Variants in TBXAS1 observed in about 807,000 individuals in gnomAD.
The protein encoded by TBXAS1 is thromboxane A synthase 1.
Under a neutral mutation model 60.7 loss-of-function variants are expected in TBXAS1, and 48 were observed. The ratio of observed to expected loss-of-function variants is 0.79; its 90% CI spans 0.63 to 1.01. The LOEUF is 1.01. TBXAS1 is among the 50% of genes least tolerant of loss of function. The probability of loss-of-function intolerance (pLI) is 0.00; values close to 1 mark genes in which losing one functional copy is unlikely to be tolerated. For missense variants in TBXAS1, 685 were observed against 686.3 expected (o/e 1.00, Z 0.02); for synonymous variants, 287 against 269.7 (o/e 1.06, Z -0.63).
At chr7:140,005,518 T>C (rs1366329046) in intron 9 of TBXAS1, among the ~76,000 whole-genome samples, 1 of 152,192 alleles carries the variant, frequency 6.6e-6, no homozygotes, top group South Asian at 2.1e-4. Flanking sequence ...GCCCTTTTCA[T>C]TGGTCACTTG....
intron 1 of TBXAS1, among the ~76,000 whole-genome samples, chr7:139,847,835 G>A (rs1291858698): frequency 6.6e-6 from 1 of 152,082 alleles, no homozygotes; most frequent in African/African-American, 2.4e-5. Flanking sequence ...TTGTTTGTTT[G>A]TTTTGAAATA....
At chr7:139,823,166 G>A (rs1209579802) in intron 4 of TBXAS1, among the ~76,000 whole-genome samples, 3 of 151,716 alleles carry the variant, frequency 2.0e-5, no homozygotes, top group Admixed American at 6.6e-5. Flanking sequence ...ACCTTTTGCC[G>A]ATCTCCTGTC....
At chr7:139,886,783 C>A (rs1296532154) in intron 3 of TBXAS1, among the ~76,000 whole-genome samples, 1 of 152,138 alleles carries the variant, frequency 6.6e-6, no homozygotes, top group Non-Finnish European at 1.5e-5. Flanking sequence ...CATCTCACTG[C>A]CAGACCACAG....
intron 4 of TBXAS1, among the ~76,000 whole-genome samples, chr7:139,816,494 G>T (rs1220241202): frequency 1.3e-5 from 2 of 151,666 alleles, no homozygotes; most frequent in African/African-American, 4.8e-5. Flanking sequence ...GTCTGGGTAG[G>T]GTGTGGGCTT....
chr7:139,785,931 C>T (rs1385787030), intron 3 of TBXAS1, among the ~76,000 whole-genome samples: 1 of 151,716 alleles, frequency 6.6e-6, no homozygotes, highest in Admixed American at 6.6e-5. Flanking sequence ...CTATTTCCTT[C>T]ATGAAGCCTT....
intron 1 of TBXAS1, among the ~76,000 whole-genome samples, chr7:139,856,010 C>T (rs1202525059): frequency 6.6e-6 from 1 of 152,172 alleles, no homozygotes; most frequent in African/African-American, 2.4e-5. Context: ...AAGCAGAGAG[C>T]CTTTGTTGTG....
chr7:139,815,206 G>A (rs1798115206), intron 4 of TBXAS1, among the ~76,000 whole-genome samples: 1 of 152,198 alleles, frequency 6.6e-6, no homozygotes, highest in African/African-American at 2.4e-5. Context: ...CATGGCCTTA[G>A]GAGAAGCACA....
rs548646771 is a variant in TBXAS1 at position 139,778,848 on chromosome 7, T to C, written c.-318+377T>C. 2.0e-5 allele frequency among the ~76,000 whole-genome samples: 3 copies of C among 152,286 alleles called. No homozygotes were observed. In the South Asian group the frequency reaches 6.2e-4, roughly 32 times the overall value. The stretch of plus-strand genomic sequence containing the variant: ...GCTTCTCCAGCTGCCTCCCGGATGC[T>C]TGGATAGGATGCCCTGCCATCCCCT... On this transcript the variant is annotated intron_variant, in intron 1 of 16. Coordinates refer to the TBXAS1 transcript ENST00000336425. This position sits in a 1 kb window ranked among gnomAD's most constrained non-coding sequence, Gnocchi z 4.8.
intron 1 of TBXAS1, chr7:139,780,607 C>G (rs1023507269): frequency 1.3e-5 from 2 of 154,398 alleles, no homozygotes; most frequent in Non-Finnish European, 2.9e-5. Flanking sequence ...ATCACAGCCT[C>G]TGAGGCTGGG....
At chr7:139,816,337 C>T (rs1258045053) in intron 4 of TBXAS1, among the ~76,000 whole-genome samples, 8 of 152,146 alleles carry the variant, frequency 5.3e-5, no homozygotes, top group Non-Finnish European at 1.0e-4. Flanking sequence ...GACAGAGGAG[C>T]GTGCTTGAGA....
chr7:139,966,698 A>G (rs753527903), intron 9 of TBXAS1, among the ~76,000 whole-genome samples: 10 of 152,154 alleles, frequency 6.6e-5, no homozygotes, highest in South Asian at 2.1e-4. Flanking sequence ...ACAGATCTCA[A>G]TGATTTCTGG....
At position 140,013,900 on chromosome 7, in the gene TBXAS1, A is replaced by G. The variant is rs1467202675; in HGVS notation, c.1227-1823A>G. Among the ~76,000 whole-genome samples, 2 of 152,122 alleles carry G rather than the reference A, an allele frequency of 1.3e-5. No homozygotes were observed. The highest frequency in any genetic ancestry group is 2.9e-5 in the Non-Finnish European group (2 of 68,030). On this transcript the variant is annotated intron_variant, in intron 10 of 12. Coordinates refer to ENST00000448866, the MANE Select transcript of TBXAS1 (RefSeq NM_001061.7). This position sits in a 1 kb window ranked among gnomAD's most constrained non-coding sequence, Gnocchi z 4.2. The stretch of plus-strand genomic sequence containing the variant: ...TCACTGCCCATCTTCCTGGCTTCTG[A>G]TCTGCTGCCGTCCCCGATTCATGGC...
chr7:140,002,063 G>A (rs923139243), intron 9 of TBXAS1, among the ~76,000 whole-genome samples: 3 of 152,144 alleles, frequency 2.0e-5, no homozygotes, highest in Non-Finnish European at 2.9e-5. Flanking sequence ...TACGTCTCCC[G>A]GGCCTAGCAC....
At chr7:139,885,776 T>C (rs1361652437) in intron 3 of TBXAS1, among the ~76,000 whole-genome samples, 2 of 152,232 alleles carry the variant, frequency 1.3e-5, no homozygotes, top group African/African-American at 4.8e-5. Context: ...TTCTTAGAAA[T>C]CCTTGCTTGA....
chr7:139,783,180 A>G (rs1231935295), intron 3 of TBXAS1, among the ~76,000 whole-genome samples: 1 of 152,152 alleles, frequency 6.6e-6, no homozygotes, highest in Non-Finnish European at 1.5e-5. Flanking sequence ...AGGGAATCTG[A>G]TTGTGGAAAT....
intron 9 of TBXAS1, among the ~76,000 whole-genome samples, chr7:139,972,864 G>A (rs932924687): frequency 2.0e-5 from 3 of 152,164 alleles, no homozygotes; most frequent in East Asian, 3.9e-4. Context: ...TGCCTGGCAC[G>A]TGAGAAATAG....
At chr7:139,800,218 C>T (rs1351175370) in intron 4 of TBXAS1, among the ~76,000 whole-genome samples, 1 of 152,196 alleles carries the variant, frequency 6.6e-6, no homozygotes, top group Non-Finnish European at 1.5e-5. Context: ...AAATGCAAAT[C>T]AGGTTGTATC....
chr7:140,015,670 C>T lies in TBXAS1; in HGVS notation c.1227-53C>T, dbSNP rs777647070. On this transcript the variant is annotated intron_variant, in intron 10 of 12. Coordinates refer to ENST00000448866, the MANE Select transcript of TBXAS1 (RefSeq NM_001061.7). Reference sequence around the variant, plus strand: ...CTCTGCCTGCCCAGCACGCCCCAAGCTCTGCTCCTCATCTCTTCTCTGTAT... The same window carrying T: ...CTCTGCCTGCCCAGCACGCCCCAAGTTCTGCTCCTCATCTCTTCTCTGTAT... 10 of 1,605,562 alleles carry T rather than the reference C, an allele frequency of 6.2e-6. No homozygotes were observed. In the South Asian group the frequency reaches 7.7e-5, roughly 12 times the overall value.
intron 1 of TBXAS1, chr7:139,780,692 C>T (rs1248890234): frequency 1.3e-5 from 2 of 154,266 alleles, no homozygotes; most frequent in South Asian, 4.1e-4. Context: ...ATTATTCTAA[C>T]TCCTCCCTCT....
Sources: allele counts gnomAD v4.1 joint callset (sites outside exome capture counted in the v4.1 genomes callset), GRCh38; gene constraint gnomAD v4.1.1; non-coding constraint Gnocchi (gnomAD v3.1); transcripts MANE v1.5; gene names NCBI Gene and HGNC (gene_info 2026-07-23, HGNC 2026-07-21).